FCHSD2: variants seen among roughly 807,000 people sequenced by gnomAD.
FCHSD2 encodes the protein FCH and double SH3 domains 2.
Under a neutral mutation model 108.1 loss-of-function variants are expected in FCHSD2, and 38 were observed. That is an observed-to-expected ratio of 0.35 (90% CI 0.27 to 0.46). The LOEUF (loss-of-function observed/expected upper bound fraction) is 0.46. FCHSD2 is among the 20% of genes least tolerant of loss of function. FCHSD2 has a pLI of 1.00. For missense variants in FCHSD2, 751 were observed against 897.8 expected (o/e 0.84, Z 2.09); for synonymous variants, 279 against 314.7 (o/e 0.89, Z 1.20).
intron 2 of FCHSD2, among the ~76,000 whole-genome samples, chr11:73,108,723 C>T (rs1424069956): frequency 4.6e-5 from 7 of 152,084 alleles, no homozygotes; most frequent in Non-Finnish European, 8.8e-5. Context: ...CGCCCGCCAC[C>T]GCGCCCGGCT....
chr11:72,921,885 T>C lies in FCHSD2; in HGVS notation c.771A>G (p.Leu257=), dbSNP rs1833616550. 1 of 1,608,134 alleles carries C rather than the reference T, an allele frequency of 6.2e-7. No homozygotes were observed. The highest frequency in any genetic ancestry group is 1.7e-5 in the Admixed American group (1 of 59,260). ...DYLIAFSRTE[L]ETCQAVQNTF... Reference sequence around the variant, plus strand: ...TGTTCTGCACAGCTTGGCATGTTTCTAGCTCAGTCCGGCTGAAGGCTATTA... The same window carrying C: ...TGTTCTGCACAGCTTGGCATGTTTCCAGCTCAGTCCGGCTGAAGGCTATTA... The change falls in exon 9 of 20, where the codon CTA becomes CTG. Residue 257 remains leucine, a synonymous_variant. Transcript: ENST00000409418.
chr11:72,979,655 T>G (rs1005048686), intron 8 of FCHSD2, among the ~76,000 whole-genome samples: 2 of 152,182 alleles, frequency 1.3e-5, no homozygotes, highest in African/African-American at 4.8e-5. Flanking sequence ...AAGCAAATAA[T>G]ATGCCATTTT....
At chr11:73,117,255 A>C (rs948319464) in intron 2 of FCHSD2, among the ~76,000 whole-genome samples, 7 of 152,242 alleles carry the variant, frequency 4.6e-5, no homozygotes, top group Admixed American at 4.6e-4. Flanking sequence ...GAAGCTAAGA[A>C]GACACAGACG....
In FCHSD2 at chr11:73,082,335, CAAAAAA is replaced by C. The variant is rs750423401; in HGVS notation, c.165+1354_165+1359del. Among the ~76,000 whole-genome samples the C allele has an allele frequency of 8.9e-3, 306 of 34,452 alleles. 1 individual carries two copies. Among genetic ancestry groups the C allele is most frequent in the African/African-American group, 0.021 (193 of 9,296 alleles). 22.6% of individuals were successfully genotyped at this position (34,452 alleles called of 152,430 possible). A position where few individuals can be genotyped will look rare whatever the true frequency, so the allele number is the denominator to read the frequency against. ...CTGGATCACAGAGTGAGACTTGTCC[CAAAAAA>C]AAAAAAAAAAAAAAAAAAAAAGAAA... On this transcript the variant is annotated intron_variant, in intron 3 of 19. Transcript: ENST00000409418.
intron 2 of FCHSD2, among the ~76,000 whole-genome samples, chr11:73,095,989 C>T (rs1860064054): frequency 6.7e-6 from 1 of 150,132 alleles, no homozygotes; most frequent in Admixed American, 6.6e-5. Flanking sequence ...CCTGAGCTAC[C>T]AACATCTAAT....
At chr11:73,037,265 G>T (rs1217306364) in intron 3 of FCHSD2, among the ~76,000 whole-genome samples, 1 of 152,132 alleles carries the variant, frequency 6.6e-6, no homozygotes, top group East Asian at 1.9e-4. Flanking sequence ...TACAATGGAT[G>T]AACCTACACT....
intron 2 of FCHSD2, among the ~76,000 whole-genome samples, chr11:73,105,018 C>A (rs1860309154): frequency 6.6e-6 from 1 of 152,196 alleles, no homozygotes; most frequent in South Asian, 2.1e-4. Flanking sequence ...ATAATCCCTG[C>A]TAGTAAAGTA....
intron 8 of FCHSD2, among the ~76,000 whole-genome samples, chr11:72,943,356 T>G (rs1338638353): frequency 6.6e-6 from 1 of 152,194 alleles, no homozygotes; most frequent in Non-Finnish European, 1.5e-5. Flanking sequence ...TTAATTCAAC[T>G]ATAGTTAGGA....
chr11:72,900,620 A>G (rs1314428753), intron 10 of FCHSD2, among the ~76,000 whole-genome samples: 3 of 152,082 alleles, frequency 2.0e-5, no homozygotes, highest in African/African-American at 7.2e-5. Context: ...CCAGGCTTCA[A>G]AGAAGTCAAA....
Position 73,051,868 on chromosome 11 carries a change from A to AACAC in FCHSD2, c.165+31823_165+31826dup, listed in dbSNP as rs61511109. 5.1e-3 allele frequency among the ~76,000 whole-genome samples: 723 copies of AACAC among 141,802 alleles called. 6 individuals are homozygous for AACAC. Among genetic ancestry groups the AACAC allele is most frequent in the Middle Eastern group, 0.018 (5 of 284 alleles). The allele number at this position is 141,802 out of a possible 152,430, so 93.0% of individuals were successfully genotyped here. ...CTTCAGGATGCTAACACGGTATATA[A>AACAC]ACACACACACACACACACACACACA... On this transcript the variant is annotated intron_variant, in intron 3 of 19. Coordinates refer to ENST00000409418, the MANE Select transcript of FCHSD2 (RefSeq NM_014824.3).
At chr11:72,948,161 C>A (rs760730442) in intron 8 of FCHSD2, among the ~76,000 whole-genome samples, 1 of 152,078 alleles carries the variant, frequency 6.6e-6, no homozygotes, top group Non-Finnish European at 1.5e-5. Flanking sequence ...GCATGTGCCA[C>A]CAGACCTGGC....
intron 2 of FCHSD2, among the ~76,000 whole-genome samples, chr11:73,086,267 G>A (rs975013201): frequency 3.9e-5 from 6 of 152,102 alleles, no homozygotes; most frequent in Non-Finnish European, 5.9e-5. Context: ...AAATTAGCTG[G>A]GCGTGGTGGT....
intron 3 of FCHSD2, among the ~76,000 whole-genome samples, chr11:73,042,027 A>G (rs973916677): frequency 6.6e-6 from 1 of 152,134 alleles, no homozygotes; most frequent in African/African-American, 2.4e-5. Context: ...CCTGGGTTCA[A>G]GTGATTCTCC....
At chr11:73,135,558 T>C (rs560035104) in intron 2 of FCHSD2, among the ~76,000 whole-genome samples, 3 of 152,294 alleles carry the variant, frequency 2.0e-5, no homozygotes, top group African/African-American at 4.8e-5. Context: ...TAGAAACTTA[T>C]TGTAAGTGGT....
intron 13 of FCHSD2, among the ~76,000 whole-genome samples, chr11:72,851,512 G>A (rs1403536732): frequency 6.6e-6 from 1 of 152,136 alleles, no homozygotes; most frequent in African/African-American, 2.4e-5. Context: ...AGGCCGAGGT[G>A]GGCGGATCAC....
chr11:73,112,001 AGTCT>A (rs1860497777), intron 2 of FCHSD2, among the ~76,000 whole-genome samples: 1 of 152,164 alleles, frequency 6.6e-6, no homozygotes, highest in South Asian at 2.1e-4. Context: ...TTCATCTTTT[AGTCT>A]TTCTACTTAA....
intron 11 of FCHSD2, among the ~76,000 whole-genome samples, chr11:72,888,645 G>GTCTTT (rs369049901): frequency 5.3e-5 from 8 of 150,924 alleles, no homozygotes; most frequent in African/African-American, 2.0e-4. Context: ...TGGAGACAGG[G>GTCTTT]TCTTTCTCTG....
rs1400503361 is a variant in FCHSD2, at chr11:72,921,937, T to C, written c.719A>G (p.Asn240Ser). The C allele has an allele frequency of 1.3e-6, 2 of 1,591,198 alleles. No homozygotes were observed. The highest frequency in any genetic ancestry group is 2.2e-5 in the East Asian group (1 of 44,622). Residue 240 changes from asparagine (N) to serine (S), a missense_variant, in exon 9 of 20, where the codon AAT (asparagine) becomes AGT (serine). By Grantham distance (46) the Asn-to-Ser change is conservative. Coordinates refer to ENST00000409418, the MANE Select transcript of FCHSD2 (RefSeq NM_014824.3). ...ATAATCCTTGAGATGATCATACACATTTCCATCAAGAGCCTGTAATAGAGG... is the reference window on the plus strand; with the variant it reads ...ATAATCCTTGAGATGATCATACACACTTCCATCAAGAGCCTGTAATAGAGG... ...LVNIMKALDG[N>S]VYDHLKDYLI... is the part of the protein sequence containing the mutation.
At chr11:73,025,470 C>G (rs1322762654) in intron 3 of FCHSD2, among the ~76,000 whole-genome samples, 4 of 151,990 alleles carry the variant, frequency 2.6e-5, no homozygotes, top group Admixed American at 2.6e-4. Flanking sequence ...AGGGGAACAA[C>G]AGGCACTGAG....
Sources: allele counts gnomAD v4.1 joint callset (sites outside exome capture counted in the v4.1 genomes callset), GRCh38; gene constraint gnomAD v4.1.1; transcripts MANE v1.5; gene names NCBI Gene and HGNC (gene_info 2026-07-23, HGNC 2026-07-21).